Variants in STEEP1 observed in about 807,000 individuals in gnomAD.
The protein encoded by STEEP1 is STING1 ER exit protein 1, also known as STING ER exit protein.
STEEP1 carries 3 observed loss-of-function variants against 19.2 expected under a neutral mutation model. The ratio of observed to expected loss-of-function variants is 0.16; its 90% CI spans 0.07 to 0.40. STEEP1 has a LOEUF of 0.40. Ranked by LOEUF, STEEP1 falls within the 10% of genes least tolerant of loss-of-function variation. The pLI, the probability that STEEP1 is intolerant of heterozygous loss-of-function variation, is 0.99. For missense variants in STEEP1, 54 were observed against 177.1 expected, an observed-to-expected ratio of 0.30 and a Z score of 3.94; for synonymous variants, 46 against 63.7, an observed-to-expected ratio of 0.72 and a Z score of 1.32.
chrX:119,554,523 C>T (rs755278525), intron 2 of STEEP1, among the ~76,000 whole-genome samples: 2 of 111,718 alleles, frequency 1.8e-5, no homozygotes, highest in Non-Finnish European at 3.8e-5. Flanking sequence ...CTGGTACTAA[C>T]ACCCTTGTAT....
At chrX:119,546,440 C>CAAAA (rs140234168) in intron 2 of STEEP1, among the ~76,000 whole-genome samples, 2 of 73,597 alleles carry the variant, frequency 2.7e-5, no homozygotes, top group African/African-American at 1.0e-4. Context: ...GACTCCATCT[C>CAAAA]AAAAAAAAAA....
At chrX:119,542,055 CTTT>C (rs201339708) in intron 5 of STEEP1, among the ~76,000 whole-genome samples, 3 of 82,926 alleles carry the variant, frequency 3.6e-5, no homozygotes, top group Non-Finnish European at 6.9e-5. Context: ...CTTTTCTTTT[CTTT>C]TTTTTTTTTT....
At chrX:119,544,083 T>C (rs1010397287) in intron 4 of STEEP1, among the ~76,000 whole-genome samples, 6 of 111,485 alleles carry the variant, frequency 5.4e-5, no homozygotes, top group South Asian at 3.7e-4. Flanking sequence ...TGATTACACA[T>C]TGCATACCTG....
rs1406117896 is a variant in STEEP1 at position 119,539,012 on chromosome X, T to C, written c.*715A>G. 9.0e-6 allele frequency: 1 copy of C among 111,453 alleles called. No individual in the cohort carries two copies. Among genetic ancestry groups the C allele is most frequent in the African/African-American group, 3.3e-5 (1 of 30,657 alleles). The allele number at this position is 111,453 out of a possible 1,213,427, so 9.2% of individuals were successfully genotyped here. ...TCTGACTTGCTATACCTAAATATAA[T>C]TCATGGTGCTTTTCCTATGACACAC... On this transcript the variant is annotated 3_prime_UTR_variant, in exon 7 of 7. Transcript: ENST00000644802.
At chrX:119,549,090 G>A (rs566148809) in intron 2 of STEEP1, among the ~76,000 whole-genome samples, 9 of 111,798 alleles carry the variant, frequency 8.1e-5, no homozygotes, top group Admixed American at 6.7e-4. Context: ...GGAAATGGGA[G>A]GTTGTTGTCC....
Position 119,545,518 on chromosome X carries a change from G to T in STEEP1, c.243-14C>A. On this transcript the variant is annotated splice_polypyrimidine_tract_variant and intron_variant, in intron 2 of 6. Coordinates refer to ENST00000644802, the MANE Select transcript of STEEP1 (RefSeq NM_022101.4). ...ATGCCTTCAGGTCTGCACAGAAAAT[G>T]GAAGTTAAAAAGATATGAACAAATC... The T allele has an allele frequency of 8.8e-7, 1 of 1,131,103 alleles. No homozygotes were observed. The highest frequency in any genetic ancestry group is 1.8e-5 in the South Asian group (1 of 55,218). The allele number at this position is 1,131,103 out of a possible 1,213,427, so 93.2% of individuals were successfully genotyped here.
chrX:119,557,992 C>A (rs1430195635), intron 2 of STEEP1, among the ~76,000 whole-genome samples: 1 of 111,071 alleles, frequency 9.0e-6, no homozygotes, highest in African/African-American at 3.3e-5. Context: ...ACTGCAACCT[C>A]TGCCTCCCCA....
chrX:119,564,202 G>A (rs2053340783), intron 1 of STEEP1, among the ~76,000 whole-genome samples: 1 of 111,484 alleles, frequency 9.0e-6, no homozygotes, highest in South Asian at 3.7e-4. Flanking sequence ...GCCAGACAAG[G>A]GGAAAAATCT....
chrX:119,564,305 G>A (rs2053341653), intron 1 of STEEP1, among the ~76,000 whole-genome samples: 1 of 111,025 alleles, frequency 9.0e-6, no homozygotes, highest in South Asian at 3.8e-4. Context: ...GACCAGCCTG[G>A]CCAACGTAGT....
chrX:119,559,216 C>CAA lies in STEEP1; in HGVS notation c.242+1050_242+1051dup, dbSNP rs767261970. Among the ~76,000 whole-genome samples, 727 of 101,069 alleles carry CAA rather than the reference C, an allele frequency of 7.2e-3. 8 individuals are homozygous for CAA. Among genetic ancestry groups the CAA allele is most frequent in the African/African-American group, 0.026 (702 of 27,346 alleles). 87.8% of individuals were successfully genotyped at this position (101,069 alleles called of 115,157 possible). A position where few individuals can be genotyped will look rare whatever the true frequency, so the allele number is the denominator to read the frequency against. ...CTGGGCAACAAGAGCGAAACTCCGT[C>CAA]AAAAAAAAAAAAACGGAGATGGCTC... On this transcript the variant is annotated intron_variant, in intron 2 of 6. Coordinates refer to ENST00000644802, the MANE Select transcript of STEEP1 (RefSeq NM_022101.4).
At chrX:119,549,539 G>A (rs370331653) in intron 2 of STEEP1, among the ~76,000 whole-genome samples, 1 of 111,793 alleles carries the variant, frequency 8.9e-6, no homozygotes, top group East Asian at 2.8e-4. Context: ...ACCCCCATCT[G>A]TTTACCCACG....
intron 4 of STEEP1, chrX:119,542,876 C>T (rs893559762): frequency 5.6e-6 from 1 of 179,158 alleles, no homozygotes; most frequent in Non-Finnish European, 1.0e-5. Flanking sequence ...TCATAGCTCA[C>T]TGCAACCTCA....
intron 2 of STEEP1, among the ~76,000 whole-genome samples, chrX:119,557,768 C>T (rs1603306703): frequency 9.0e-6 from 1 of 111,286 alleles, no homozygotes. Flanking sequence ...CGCCAAAAAC[C>T]AGGAATGAGG....
intron 4 of STEEP1, 112 bp downstream of exon 4, chrX:119,544,240 GA>G (rs1457494242): frequency 3.8e-6 from 2 of 531,730 alleles, no homozygotes; most frequent in African/African-American, 4.6e-5. Context: ...AAAAGAAAAA[GA>G]AATAAAAAGA....
At chrX:119,542,645 A>G (rs747929061) in intron 4 of STEEP1, 51 bp from the exon 5 acceptor site, 1 of 933,660 alleles carries the variant, frequency 1.1e-6, no homozygotes, top group South Asian at 2.0e-5. Flanking sequence ...AACAGGATCC[A>G]TGAGCCGTGA....
intron 4 of STEEP1, among the ~76,000 whole-genome samples, chrX:119,544,115 C>G (rs1159891095): frequency 9.1e-6 from 1 of 110,259 alleles, no homozygotes; most frequent in Non-Finnish European, 1.9e-5. Context: ...CTCATGTACC[C>G]CATAAATATG....
intron 2 of STEEP1, among the ~76,000 whole-genome samples, chrX:119,558,552 T>G (rs2053298782): frequency 9.0e-6 from 1 of 111,273 alleles, no homozygotes; most frequent in Admixed American, 9.6e-5. Context: ...AAAAGAAAAC[T>G]AATACACTGG....
chrX:119,543,952 A>C (rs1005919247), intron 4 of STEEP1, among the ~76,000 whole-genome samples: 4 of 112,226 alleles, frequency 3.6e-5, no homozygotes, highest in Non-Finnish European at 7.5e-5. Flanking sequence ...TAGGAAAGAG[A>C]GAACACATAA....
intron 1 of STEEP1, among the ~76,000 whole-genome samples, chrX:119,562,914 T>C (rs1258825478): frequency 9.1e-6 from 1 of 110,248 alleles, no homozygotes; most frequent in Non-Finnish European, 1.9e-5. Flanking sequence ...AAGGGAGGGA[T>C]TGAGGGAAAA....
Sources: allele counts gnomAD v4.1 joint callset (sites outside exome capture counted in the v4.1 genomes callset), GRCh38; gene constraint gnomAD v4.1.1; transcripts MANE v1.5; gene names NCBI Gene and HGNC (gene_info 2026-07-23, HGNC 2026-07-21).